Variants in MAP7D3 observed in about 807,000 individuals in gnomAD.
MAP7D3 encodes MAP7 domain-containing protein 3.
A neutral mutation model predicts 62.2 loss-of-function variants in MAP7D3; 45 were observed. The observed-to-expected ratio is 0.72, with a 90% CI of 0.57 to 0.93. The LOEUF is 0.93. Ranked by LOEUF, MAP7D3 falls within the 40% of genes least tolerant of loss-of-function variation. MAP7D3 has a pLI of 0.00. For synonymous variants in MAP7D3, 288 were observed against 248.8 expected, an observed-to-expected ratio of 1.16 and a Z score of -1.48; for missense variants, 711 against 683.1, an observed-to-expected ratio of 1.04 and a Z score of -0.45.
At chrX:136,220,109 A>G (rs1324306254) in intron 16 of MAP7D3, among the ~76,000 whole-genome samples, 1 of 111,905 alleles carries the variant, frequency 8.9e-6, no homozygotes, top group Non-Finnish European at 1.9e-5. Flanking sequence ...CCTTTCCATG[A>G]ATCAGTTCCT....
rs1315724221 is a variant in MAP7D3, at chrX:136,228,791, G to C, written c.1751-33C>G. 4 of 1,107,800 alleles carry C rather than the reference G, an allele frequency of 3.6e-6. No homozygotes were observed. In the South Asian group the frequency reaches 6.6e-5, roughly 18 times the overall value. The allele number at this position is 1,107,800 out of a possible 1,213,427, so 91.3% of individuals were successfully genotyped here. A position where few individuals can be genotyped will look rare whatever the true frequency, so the allele number is the denominator to read the frequency against. ...AAATAAATATGTGCAACAGTTAAGA[G>C]AGCTAATCAACTCTCACTCCAACAA... On this transcript the variant is annotated intron_variant, in intron 10 of 18. Coordinates refer to ENST00000316077, the MANE Select transcript of MAP7D3 (RefSeq NM_024597.4).
At chrX:136,226,656 A>C (rs183367750) in intron 12 of MAP7D3, among the ~76,000 whole-genome samples, 2 of 111,825 alleles carry the variant, frequency 1.8e-5, no homozygotes, top group Non-Finnish European at 3.8e-5. Flanking sequence ...AGAATGCAAG[A>C]TGGGGGAAAC....
intron 3 of MAP7D3, 151 bp from the exon 4 acceptor site, chrX:136,244,946 A>G (rs2074431121): frequency 6.8e-6 from 3 of 439,369 alleles, no homozygotes; most frequent in Admixed American, 4.3e-5. Flanking sequence ...TTTATTATAA[A>G]AGTGAACAGA....
chrX:136,244,077 T>C (rs4829827), intron 4 of MAP7D3, among the ~76,000 whole-genome samples: 52,095 of 109,712 alleles, frequency 0.47, 9,399 homozygotes, highest in East Asian at 0.7. Flanking sequence ...AGAGGGGCCC[T>C]GTCAGGAAAG....
At chrX:136,215,912 G>A (rs1463054004), downstream of MAP7D3, among the ~76,000 whole-genome samples, 1 of 111,429 alleles carries the variant, frequency 9.0e-6, no homozygotes, top group Non-Finnish European at 1.9e-5. Context: ...GGGGAGGAGG[G>A]AAAGGGGAGT....
intron 7 of MAP7D3, among the ~76,000 whole-genome samples, chrX:136,235,672 C>T (rs895061902): frequency 9.0e-6 from 1 of 110,725 alleles, no homozygotes; most frequent in Non-Finnish European, 1.9e-5. Flanking sequence ...TCGCTTGAAC[C>T]CGGGAGGTGG....
intron 1 of MAP7D3, among the ~76,000 whole-genome samples, chrX:136,248,775 G>A (rs1420086967): frequency 8.9e-6 from 1 of 112,149 alleles, no homozygotes; most frequent in Non-Finnish European, 1.9e-5. Context: ...TAAAGTGGAC[G>A]TAATTATTTT....
upstream of MAP7D3, among the ~76,000 whole-genome samples, chrX:136,255,363 A>G (rs1358478528): frequency 1.8e-5 from 2 of 113,014 alleles, no homozygotes; most frequent in Non-Finnish European, 3.7e-5. Flanking sequence ...TATGCCTTTT[A>G]ATCTGTAGAT....
chrX:136,251,471 G>T (rs1319549112), upstream of MAP7D3: 10 of 820,020 alleles, frequency 1.2e-5, no homozygotes, highest in Non-Finnish European at 1.5e-5. Flanking sequence ...GGCGGGGCGG[G>T]GCGGGGCGGG....
At position 136,220,911 on chromosome X, in the gene MAP7D3, A is replaced by G. The variant is rs1451646067; in HGVS notation, c.2340T>C (p.Asn780=). 8.3e-7 allele frequency: 1 copy of G among 1,209,686 alleles called. No homozygotes were observed. Among genetic ancestry groups the G allele is most frequent in the Non-Finnish European group, 1.1e-6 (1 of 893,514 alleles). Residue 780 remains asparagine, a synonymous_variant, in exon 16 of 19, where the codon AAT becomes AAC. Coordinates refer to ENST00000316077, the MANE Select transcript of MAP7D3 (RefSeq NM_024597.4). ...CCAGCTTGTGTGTCATTTTCTTGGC[A>G]TTGTTGAACGGCATTTTAAATTTGG... ...SPTKFKMPFN[N]AKKMTHKLVF... is the part of the protein sequence containing the mutation.
chrX:136,247,529 G>C (rs1479932585), intron 1 of MAP7D3, among the ~76,000 whole-genome samples: 1 of 110,370 alleles, frequency 9.1e-6, no homozygotes, highest in African/African-American at 3.3e-5. Context: ...TTGCTACTGA[G>C]GGAGTTATTT....
chrX:136,214,679 T>C (rs1194555025), downstream of MAP7D3: 1 of 112,040 alleles, frequency 8.9e-6, no homozygotes, highest in Non-Finnish European at 1.9e-5. Flanking sequence ...TTTATGGTAT[T>C]TCACACTGCA....
At position 136,230,923 on chromosome X, in the gene MAP7D3, T is replaced by C; in HGVS notation, c.1457A>G (p.Lys486Arg). 8.3e-7 allele frequency: 1 copy of C among 1,198,271 alleles called. No individual in the cohort carries two copies. Among genetic ancestry groups the C allele is most frequent in the South Asian group, 1.8e-5 (1 of 56,450 alleles). The change falls in exon 9 of 19, where the codon AAG becomes AGG. Residue 486 changes from lysine to arginine, a missense_variant. By Grantham distance (26) the Lys-to-Arg change is conservative. Transcript: ENST00000316077. ...ACACTCAGTGTATGATGATAGACGCTTCTTGGCAATAGGGATTAAGGCCTG... is the reference window on the plus strand; with the variant it reads ...ACACTCAGTGTATGATGATAGACGCCTCTTGGCAATAGGGATTAAGGCCTG... ...DKQALIPIAK[K>R]RLSSYTECYK...
chrX:136,238,039 T>C (rs2074349915), intron 6 of MAP7D3, among the ~76,000 whole-genome samples: 1 of 111,677 alleles, frequency 9.0e-6, no homozygotes, highest in Admixed American at 9.5e-5. Flanking sequence ...TCCATGTTCC[T>C]ACAAAGGACA....
intron 18 of MAP7D3, among the ~76,000 whole-genome samples, 187 bp downstream of exon 18, chrX:136,219,211 T>C (rs886975271): frequency 1.8e-5 from 2 of 112,236 alleles, no homozygotes; most frequent in African/African-American, 6.5e-5. Flanking sequence ...TCAAGTCATC[T>C]ACTCTCTACT....
At chrX:136,225,649 G>A (rs994132954) in intron 13 of MAP7D3, among the ~76,000 whole-genome samples, 1 of 111,752 alleles carries the variant, frequency 8.9e-6, no homozygotes, top group Non-Finnish European at 1.9e-5. Context: ...GAGAAGTTTT[G>A]TTACCAGAGG....
At chrX:136,223,156 G>C (rs767055983) in intron 14 of MAP7D3, among the ~76,000 whole-genome samples, 2 of 111,225 alleles carry the variant, frequency 1.8e-5, no homozygotes, top group African/African-American at 6.5e-5. Flanking sequence ...GTTGCTGCTT[G>C]AGGGAAAACT....
chrX:136,228,834 C>T, intron 10 of MAP7D3, 76 bp from the exon 11 acceptor site: 1 of 839,593 alleles, frequency 1.2e-6, no homozygotes, highest in African/African-American at 2.1e-5. Context: ...CAACACAATC[C>T]AAAACATTAA....
intron 10 of MAP7D3, among the ~76,000 whole-genome samples, 169 bp downstream of exon 10, chrX:136,230,216 A>G (rs1044788679): frequency 1.8e-5 from 2 of 109,906 alleles, no homozygotes; most frequent in Admixed American, 2.0e-4. Context: ...ACAAACAAAC[A>G]GAGAAGATAC....
Sources: gnomAD v4.1 joint callset for allele counts (sites outside exome capture counted in the v4.1 genomes callset) on GRCh38, gnomAD v4.1.1 for gene constraint, MANE v1.5 for transcripts, NCBI Gene and HGNC (gene_info 2026-07-23, HGNC 2026-07-21) for gene names.